Variants in ANAPC1 observed in about 807,000 individuals in gnomAD.
The protein encoded by ANAPC1 is anaphase-promoting complex subunit 1.
A neutral mutation model predicts 208.0 loss-of-function variants in ANAPC1; 36 were observed. The ratio of observed to expected loss-of-function variants is 0.17; its 90% CI spans 0.13 to 0.23. The LOEUF (loss-of-function observed/expected upper bound fraction) is 0.23. Ranked by LOEUF, ANAPC1 falls within the 10% of genes least tolerant of loss-of-function variation. The probability of loss-of-function intolerance (pLI) is 1.00; values close to 1 mark genes in which losing one functional copy is unlikely to be tolerated. For missense variants in ANAPC1, 942 were observed against 2,011.6 expected (o/e 0.47, Z 10.17); for synonymous variants, 378 against 695.2 (o/e 0.54, Z 7.18).
At chr2:111,878,765 T>C (rs1236592597) in intron 3 of ANAPC1, 45 bp downstream of exon 3, 5 of 1,599,024 alleles carry the variant, frequency 3.1e-6, no homozygotes, top group Admixed American at 3.6e-5. Context: ...TTTTTTTTAA[T>C]TGCATTAAAT....
chr2:111,769,931 C>A (rs1300596478), intron 47 of ANAPC1, among the ~76,000 whole-genome samples: 2 of 151,794 alleles, frequency 1.3e-5, no homozygotes, highest in Non-Finnish European at 2.9e-5. Flanking sequence ...ATCCGCCCGC[C>A]TCGGCCTCCC....
rs565260363 is a variant in ANAPC1 at position 111,779,029 on chromosome 2, T to C, written c.5290-259A>G. Reference sequence around the variant, plus strand: ...ACCAAACTAGGACAAAATGAGTAGATAGGACATCACAGAGCTATGCCTTGG... The same window carrying C: ...ACCAAACTAGGACAAAATGAGTAGACAGGACATCACAGAGCTATGCCTTGG... On this transcript the variant is annotated intron_variant, in intron 44 of 47. Transcript: ENST00000341068. The C allele has an allele frequency of 5.6e-4, 110 of 195,410 alleles. 1 individual carries two copies. Among genetic ancestry groups the C allele is most frequent in the East Asian group, 1.3e-3 (9 of 6,964 alleles). 12.1% of individuals were successfully genotyped at this position (195,410 alleles called of 1,614,324 possible). A position where few individuals can be genotyped will look rare whatever the true frequency, so the allele number is the denominator to read the frequency against.
At chr2:111,879,285 G>C (rs1683174532) in intron 2 of ANAPC1, among the ~76,000 whole-genome samples, 1 of 152,308 alleles carries the variant, frequency 6.6e-6, no homozygotes, top group African/African-American at 2.4e-5. Context: ...GAGACTAAAA[G>C]GACATATTAA....
chr2:111,813,062 G>A (rs1279840698), intron 28 of ANAPC1, among the ~76,000 whole-genome samples: 1 of 91,728 alleles, frequency 1.1e-5, no homozygotes, highest in Non-Finnish European at 2.4e-5. Flanking sequence ...ATGGGTCCCA[G>A]GGCTCTCCTC....
At chr2:111,857,964 T>C (rs1389674076) in intron 11 of ANAPC1, among the ~76,000 whole-genome samples, 2 of 96,976 alleles carry the variant, frequency 2.1e-5, no homozygotes, top group Non-Finnish European at 4.9e-5. Context: ...TGTGTGTACA[T>C]ACATTATATA....
At chr2:111,874,478 A>ATT (rs139978604) in intron 3 of ANAPC1, among the ~76,000 whole-genome samples, 10,590 of 151,574 alleles carry the variant, frequency 0.07, 560 homozygotes, top group South Asian at 0.21. Flanking sequence ...CACTTTCCCT[A>ATT]TGAAAGGGCC....
chr2:111,832,138 C>G lies in ANAPC1; in HGVS notation c.2477-704G>C, dbSNP rs935545512. Among the ~76,000 whole-genome samples the G allele has an allele frequency of 2.5e-4, 38 of 150,090 alleles. 1 individual carries two copies. The highest frequency in any genetic ancestry group is 9.1e-4 in the African/African-American group (37 of 40,866). The stretch of plus-strand genomic sequence containing the variant: ...TGAAACCCCATCACTACTAAAAATA[C>G]AAAAATTAGCCAGGCGTGGTGGCAC... On this transcript the variant is annotated intron_variant, in intron 20 of 47. Transcript: ENST00000341068.
intron 20 of ANAPC1, among the ~76,000 whole-genome samples, chr2:111,832,656 G>A (rs376172643): frequency 3.9e-5 from 6 of 152,094 alleles, no homozygotes; most frequent in East Asian, 1.9e-4. Flanking sequence ...GTGGCCTGGC[G>A]CGGTGGCTCA....
intron 13 of ANAPC1, among the ~76,000 whole-genome samples, chr2:111,853,885 T>C (rs7578750): frequency 0.019 from 2,892 of 152,058 alleles, 80 homozygotes; most frequent in African/African-American, 0.066. Flanking sequence ...CCCGGCTAAT[T>C]TTTTGTACTT....
At position 111,873,216 on chromosome 2, in the gene ANAPC1, C is replaced by A. The variant is rs531019870; in HGVS notation, c.528+92G>T. 1.6e-4 allele frequency: 197 copies of A among 1,221,606 alleles called. 2 individuals carry two copies. The South Asian group carries it at 3.6e-3, about 23-fold the overall frequency. The allele number at this position is 1,221,606 out of a possible 1,614,324, so 75.7% of individuals were successfully genotyped here. A position where few individuals can be genotyped will look rare whatever the true frequency, so the allele number is the denominator to read the frequency against. On this transcript the variant is annotated intron_variant, in intron 5 of 47. Coordinates refer to ENST00000341068, the MANE Select transcript of ANAPC1 (RefSeq NM_022662.4). The stretch of plus-strand genomic sequence containing the variant: ...GTAAAAATAACATTTTTGACTACTA[C>A]GAAACATGAGACATAAGACATGCCT...
rs1281063941 is a variant in ANAPC1 at position 111,868,010 on chromosome 2, G to A, written c.685+13C>T. On this transcript the variant is annotated intron_variant, in intron 7 of 47. Transcript: ENST00000341068. ...AAAAGAGCTTATCTAAAAGAATATAGAAATACACTTACTTCCAGATTTACA... is the reference window on the plus strand; with the variant it reads ...AAAAGAGCTTATCTAAAAGAATATAAAAATACACTTACTTCCAGATTTACA... 4 of 1,551,166 alleles carry A rather than the reference G, an allele frequency of 2.6e-6. No individual in the cohort carries two copies. Among genetic ancestry groups the A allele is most frequent in the Admixed American group, 1.9e-5 (1 of 52,556 alleles).
intron 14 of ANAPC1, among the ~76,000 whole-genome samples, chr2:111,849,418 GA>G (rs1306480855): frequency 2.0e-5 from 3 of 151,670 alleles, no homozygotes; most frequent in South Asian, 4.2e-4. Flanking sequence ...TGGTTTGAAG[GA>G]AAAAAAATTC....
At chr2:111,850,270 C>G (rs1681316280) in intron 14 of ANAPC1, among the ~76,000 whole-genome samples, 1 of 150,944 alleles carries the variant, frequency 6.6e-6, no homozygotes, top group African/African-American at 2.4e-5. Context: ...CATTATCTGG[C>G]CTTCCTGCCT....
In ANAPC1 at chr2:111,880,679, C is replaced by A; in HGVS notation, c.147G>T (p.Trp49Cys). The change falls in exon 2 of 48, where the codon TGG becomes TGT. Residue 49 changes from tryptophan (W) to cysteine (C), a missense_variant. Transcript: ENST00000341068. ...LRQLQPASELWSSDGAAGLVG... is the reference protein window; with the variant it reads ...LRQLQPASELCSSDGAAGLVG... ...CCAAGCCAGCAGCACCATCAGAAGA[C>A]CATAATTCAGAAGCTGGCTGCAGCT... 6.2e-7 allele frequency: 1 copy of A among 1,613,556 alleles called. No individual in the cohort carries two copies. Among genetic ancestry groups the A allele is most frequent in the South Asian group, 1.1e-5 (1 of 91,048 alleles).
intron 38 of ANAPC1, among the ~76,000 whole-genome samples, chr2:111,791,719 C>T (rs1025595316): frequency 1.3e-5 from 2 of 152,146 alleles, no homozygotes; most frequent in African/African-American, 4.8e-5. Flanking sequence ...TGTTAGAAGA[C>T]CAGATAGGGC....
chr2:111,828,574 T>A (rs1363886371), intron 21 of ANAPC1, among the ~76,000 whole-genome samples: 1 of 152,222 alleles, frequency 6.6e-6, no homozygotes, highest in Non-Finnish European at 1.5e-5. Flanking sequence ...TGATAAATTG[T>A]GGTATATCCA....
intron 42 of ANAPC1, among the ~76,000 whole-genome samples, chr2:111,782,748 G>T (rs1287640164): frequency 6.6e-6 from 1 of 152,184 alleles, no homozygotes; most frequent in Non-Finnish European, 1.5e-5. Flanking sequence ...TTTGACTATT[G>T]GCTCAATTAC....
intron 10 of ANAPC1, among the ~76,000 whole-genome samples, chr2:111,861,325 C>T (rs1462561947): frequency 6.6e-6 from 1 of 152,202 alleles, no homozygotes; most frequent in East Asian, 1.9e-4. Flanking sequence ...ATCCATCTGC[C>T]TCAGCCTCCC....
At chr2:111,850,305 C>G (rs1461636761) in intron 14 of ANAPC1, among the ~76,000 whole-genome samples, 1 of 151,688 alleles carries the variant, frequency 6.6e-6, no homozygotes, top group African/African-American at 2.4e-5. Flanking sequence ...TCTCCTTGCC[C>G]TGAATGCTCC....
Sources: allele counts gnomAD v4.1 joint callset (sites outside exome capture counted in the v4.1 genomes callset), GRCh38; gene constraint gnomAD v4.1.1; transcripts MANE v1.5; gene names NCBI Gene and HGNC (gene_info 2026-07-23, HGNC 2026-07-21).